The following MCPH1 variants were observed in gnomAD, a reference collection of about 807,000 sequenced individuals.
MCPH1 encodes the protein microcephalin.
In MCPH1, 104 loss-of-function variants were observed where a neutral mutation model predicts 84.5. The ratio of observed to expected loss-of-function variants is 1.23; its 90% CI spans 1.05 to 1.45. MCPH1 has a LOEUF of 1.45. Among genes scored for constraint, MCPH1 ranks in the 40% most tolerant of loss-of-function variants. The probability of loss-of-function intolerance (pLI) is 0.00; values close to 1 mark genes in which losing one functional copy is unlikely to be tolerated. For missense variants in MCPH1, 1,498 were observed against 1,005.7 expected, an observed-to-expected ratio of 1.49 and a Z score of -6.62; for synonymous variants, 514 against 366.8, an observed-to-expected ratio of 1.40 and a Z score of -4.58.
chr8:6,564,259 G>A (rs1825947731), intron 12 of MCPH1, among the ~76,000 whole-genome samples: 1 of 152,182 alleles, frequency 6.6e-6, no homozygotes, highest in African/African-American at 2.4e-5. Context: ...TTACAGGTGT[G>A]AGTCACCATG....
chr8:6,506,986 C>G (rs892163386), intron 12 of MCPH1, among the ~76,000 whole-genome samples: 15 of 151,682 alleles, frequency 9.9e-5, no homozygotes, highest in African/African-American at 3.6e-4. Flanking sequence ...CAAACTCTGT[C>G]TCCCCGGTTC....
At chr8:6,415,076 C>T (rs1213558337) in intron 3 of MCPH1, among the ~76,000 whole-genome samples, 193 bp downstream of exon 3, 1 of 151,970 alleles carries the variant, frequency 6.6e-6, no homozygotes, top group Non-Finnish European at 1.5e-5. Context: ...TAATACCTAA[C>T]TCTGCCTAGG....
intron 9 of MCPH1, among the ~76,000 whole-genome samples, chr8:6,461,648 C>T (rs979665127): frequency 1.3e-5 from 2 of 152,086 alleles, no homozygotes; most frequent in Non-Finnish European, 2.9e-5. Context: ...CCTGGTGAGA[C>T]TTTATTTGGA....
chr8:6,637,067 C>T (rs907867459), intron 13 of MCPH1, among the ~76,000 whole-genome samples: 3 of 152,226 alleles, frequency 2.0e-5, no homozygotes, highest in Non-Finnish European at 4.4e-5. Context: ...GACTGGGCTA[C>T]TTTCTTCAAA....
At chr8:6,432,538 T>C (rs1186457984) in intron 4 of MCPH1, among the ~76,000 whole-genome samples, 4 of 152,236 alleles carry the variant, frequency 2.6e-5, no homozygotes, top group African/African-American at 4.8e-5. Flanking sequence ...AAAGTTCTAA[T>C]TGTGATTTCT....
chr8:6,472,762 C>A (rs1002880106), intron 9 of MCPH1, among the ~76,000 whole-genome samples: 1 of 152,172 alleles, frequency 6.6e-6, no homozygotes, highest in Non-Finnish European at 1.5e-5. Flanking sequence ...GCCACCATGT[C>A]CAGCCTCAGA....
chr8:6,568,679 A>G (rs894343790), intron 12 of MCPH1, among the ~76,000 whole-genome samples: 5 of 152,192 alleles, frequency 3.3e-5, no homozygotes, highest in African/African-American at 1.2e-4. Flanking sequence ...TTAAAGGCAC[A>G]TTGCTGCCCT....
chr8:6,578,400 A>C (rs1319516558), intron 12 of MCPH1, among the ~76,000 whole-genome samples: 1 of 152,226 alleles, frequency 6.6e-6, no homozygotes, highest in African/African-American at 2.4e-5. Flanking sequence ...CTTAGGGCTT[A>C]AAAATATGCC....
intron 12 of MCPH1, chr8:6,562,951 A>G: frequency 6.4e-7 from 1 of 1,565,448 alleles, no homozygotes; most frequent in Non-Finnish European, 8.7e-7. Flanking sequence ...TTCAGTAATA[A>G]ACCAGCAGCT....
At chr8:6,615,305 T>C (rs934071512) in intron 12 of MCPH1, among the ~76,000 whole-genome samples, 2 of 152,220 alleles carry the variant, frequency 1.3e-5, no homozygotes, top group Admixed American at 1.3e-4. Flanking sequence ...GCTCCCACTT[T>C]CCTGCCCATG....
At chr8:6,605,170 T>C (rs550428528) in intron 12 of MCPH1, among the ~76,000 whole-genome samples, 408 of 152,262 alleles carry the variant, frequency 2.7e-3, no homozygotes, top group African/African-American at 9.5e-3. Flanking sequence ...CCCGCTCTTG[T>C]TGGGTCCCTG....
intron 13 of MCPH1, chr8:6,625,468 A>G (rs923389687): frequency 2.0e-6 from 2 of 985,318 alleles, no homozygotes; most frequent in African/African-American, 1.7e-5. Context: ...AAATATCGCA[A>G]TATTGAAAAA....
At chr8:6,412,960 C>A (rs1798750256) in intron 2 of MCPH1, among the ~76,000 whole-genome samples, 1 of 152,174 alleles carries the variant, frequency 6.6e-6, no homozygotes, top group Non-Finnish European at 1.5e-5. Flanking sequence ...TTTTCAAAGA[C>A]AGCTACTTTC....
rs1802573840 is a variant in MCPH1 at position 6,435,896 on chromosome 8, A to G, written c.322-152A>G. 4 of 773,650 alleles carry G rather than the reference A, an allele frequency of 5.2e-6. No homozygotes were observed. The East Asian group carries it at 8.9e-5, about 17-fold the overall frequency. The allele number at this position is 773,650 out of a possible 1,614,324, so 47.9% of individuals were successfully genotyped here. A position where few individuals can be genotyped will look rare whatever the true frequency, so the allele number is the denominator to read the frequency against. ...TTTATAACTGCACAAAAAAATAAATATTGCCAGTTCACATACAGTGCAAGA... is the reference window on the plus strand; with the variant it reads ...TTTATAACTGCACAAAAAAATAAATGTTGCCAGTTCACATACAGTGCAAGA... On this transcript the variant is annotated intron_variant, in intron 4 of 13. Transcript: ENST00000344683.
chr8:6,578,927 T>C (rs1827329863), intron 12 of MCPH1, among the ~76,000 whole-genome samples: 4 of 152,194 alleles, frequency 2.6e-5, no homozygotes, highest in African/African-American at 7.2e-5. Context: ...AGGGCAGAGT[T>C]CATGTTTTTC....
intron 12 of MCPH1, chr8:6,503,317 C>T (rs779212052): frequency 8.8e-6 from 14 of 1,591,526 alleles, no homozygotes; most frequent in Middle Eastern, 1.7e-4. Flanking sequence ...GCTCCCACCA[C>T]GAAGACAGCA....
chr8:6,415,107 C>A (rs912034802), intron 3 of MCPH1, among the ~76,000 whole-genome samples: 5 of 151,808 alleles, frequency 3.3e-5, no homozygotes, highest in African/African-American at 1.2e-4. Context: ...GCCTGCAGGT[C>A]CTGAAGCTGG....
At chr8:6,446,080 T>G (rs950770268) in intron 8 of MCPH1, 4 of 979,402 alleles carry the variant, frequency 4.1e-6, no homozygotes, top group Non-Finnish European at 3.6e-6. Context: ...GAAGAAACAT[T>G]TAAACATTTT....
intron 12 of MCPH1, among the ~76,000 whole-genome samples, chr8:6,611,141 C>T (rs987930077): frequency 5.3e-5 from 8 of 152,002 alleles, no homozygotes; most frequent in African/African-American, 1.9e-4. Flanking sequence ...CACACACACA[C>T]ACACACACTC....
Sources: gnomAD v4.1 joint callset for allele counts (sites outside exome capture counted in the v4.1 genomes callset) on GRCh38, gnomAD v4.1.1 for gene constraint, MANE v1.5 for transcripts, NCBI Gene and HGNC (gene_info 2026-07-23, HGNC 2026-07-21) for gene names.